The following EGR2 variants were observed in gnomAD, a reference collection of about 807,000 sequenced individuals.
EGR2 encodes the protein E3 SUMO-protein ligase EGR2.
Under a neutral mutation model 21.2 loss-of-function variants are expected in EGR2, and 2 were observed. The ratio of observed to expected loss-of-function variants is 0.09; its 90% CI spans 0.04 to 0.30. The LOEUF is 0.30. EGR2 is among the 10% of genes least tolerant of loss of function. The pLI is 1.00. For missense variants in EGR2, 458 were observed against 630.2 expected (o/e 0.73, Z 2.93); for synonymous variants, 282 against 258.2 (o/e 1.09, Z -0.88).
rs1237959595 is a variant in EGR2 at position 62,813,771 on chromosome 10, G to A, written c.867C>T (p.Ser289=). The change falls in exon 2 of 2, where the codon AGC becomes AGT. Residue 289 remains serine, a synonymous_variant. Coordinates refer to ENST00000242480, the MANE Select transcript of EGR2 (RefSeq NM_000399.5). The surrounding 1 kb of genome is among the most constrained non-coding windows in gnomAD (Gnocchi z 5.7). ...GVTGPGASGG[S]EGPRLPGSSS... ...TGCTACCAGGCAGCCGGGGTCCCTC[G>A]CTGCCTCCACTGGCCCCTGGTCCGG... 22 of 1,612,420 alleles carry A rather than the reference G, an allele frequency of 1.4e-5. No individual in the cohort carries two copies. The highest frequency in any genetic ancestry group is 1.7e-5 in the Admixed American group (1 of 59,972).
chr10:62,813,114 G>A lies in EGR2; in HGVS notation c.*93C>T. On this transcript the variant is annotated 3_prime_UTR_variant, in exon 2 of 2. Coordinates refer to ENST00000242480, the MANE Select transcript of EGR2 (RefSeq NM_000399.5). The surrounding 1 kb of genome is among the most constrained non-coding windows in gnomAD (Gnocchi z 5.7). ...CCTTTGCCCAACAAAGGGAGAGAGGGACAGGAAAGGGTGGTAGTGTTTGTT... is the reference window on the plus strand; with the variant it reads ...CCTTTGCCCAACAAAGGGAGAGAGGAACAGGAAAGGGTGGTAGTGTTTGTT... The A allele has an allele frequency of 1.5e-6, 2 of 1,365,536 alleles. No homozygotes were observed. Among genetic ancestry groups the A allele is most frequent in the Admixed American group, 2.3e-5 (1 of 43,130 alleles). 84.6% of individuals were successfully genotyped at this position (1,365,536 alleles called of 1,614,324 possible).
rs1183326897 is a variant in EGR2, at chr10:62,812,604, T to C, written c.*603A>G. 1 of 152,820 alleles carries C rather than the reference T, an allele frequency of 6.5e-6. No individual in the cohort carries two copies. The allele number at this position is 152,820 out of a possible 1,614,324, so 9.5% of individuals were successfully genotyped here. A position where few individuals can be genotyped will look rare whatever the true frequency, so the allele number is the denominator to read the frequency against. ...CTCCCATCACATTGCACTTCTGTTC[T>C]CTGAGTTTATAATACATATTGCTTC... On this transcript the variant is annotated 3_prime_UTR_variant, in exon 2 of 2. Transcript: ENST00000242480.
Position 62,813,710 on chromosome 10 carries a change from A to AGGCGGCGGC in EGR2, c.919_927dup (p.Ala307_Ala309dup), listed in dbSNP as rs753747037. ...CGCAGTGGCAGGTGGTGTGGGTTAT[A>AGGCGGCGGC]GGCGGCGGCGGCGGCGGCTGCTGCT... is the stretch of plus-strand genomic sequence containing the variant. On this transcript the variant is annotated inframe_insertion, in exon 2 of 2. Transcript: ENST00000242480. The surrounding 1 kb of genome is among the most constrained non-coding windows in gnomAD (Gnocchi z 5.7). 2 of 1,611,984 alleles carry AGGCGGCGGC rather than the reference A, an allele frequency of 1.2e-6. No homozygotes were observed. Among genetic ancestry groups the AGGCGGCGGC allele is most frequent in the South Asian group, 1.1e-5 (1 of 91,058 alleles).
rs757007626 is a variant in EGR2, at chr10:62,813,218, G to A, written c.1420C>T (p.Arg474Trp). 6 of 1,565,944 alleles carry A rather than the reference G, an allele frequency of 3.8e-6. No homozygotes were observed. Among genetic ancestry groups the A allele is most frequent in the South Asian group, 2.4e-5 (2 of 83,034 alleles). Residue 474 changes from arginine (R) to tryptophan (W), a missense_variant, in exon 2 of 2, where the codon CGG (arginine) becomes TGG (tryptophan). Arg to Trp is a moderately radical substitution (Grantham distance 101, BLOSUM62 -3). Around this residue, in one of 5 missense-constraint regions of EGR2, gnomAD observed 69 missense variants for 70.4 expected, o/e 0.98. Coordinates refer to ENST00000242480, the MANE Select transcript of EGR2 (RefSeq NM_000399.5). The surrounding 1 kb of genome is among the most constrained non-coding windows in gnomAD (Gnocchi z 5.7). ...GCCTGAGTCTCATCTCAAGGTGTCC[G>A]GGTCCGAGAGGAGCAAGGGGCGAGC... Reference protein sequence around the residue: ...GPLAPCSSRTRTP With the variant: ...GPLAPCSSRTWTP
At chr10:62,818,690 G>T (rs1589084570), upstream of EGR2, 3 of 1,094,546 alleles carry the variant, frequency 2.7e-6, no homozygotes, top group East Asian at 1.4e-4. Context: ...ATGCAAATGC[G>T]GATCCCTGCG....
At position 62,812,764 on chromosome 10, in the gene EGR2, T is replaced by A. The variant is rs1042410; in HGVS notation, c.*443A>T. 1 of 159,132 alleles carries A rather than the reference T, an allele frequency of 6.3e-6. No homozygotes were observed. The highest frequency in any genetic ancestry group is 6.2e-5 in the Admixed American group (1 of 16,150). The allele number at this position is 159,132 out of a possible 1,614,324, so 9.9% of individuals were successfully genotyped here. ...CCATAAAGTGCACATCAGTTTTGCT[T>A]GTCTTTTTGCTGTCCCCACTTGAAG... On this transcript the variant is annotated 3_prime_UTR_variant, in exon 2 of 2. Coordinates refer to ENST00000242480, the MANE Select transcript of EGR2 (RefSeq NM_000399.5).
chr10:62,817,513 C>T (rs762994430), upstream of EGR2, among the ~76,000 whole-genome samples: 21 of 152,070 alleles, frequency 1.4e-4, no homozygotes, highest in Non-Finnish European at 2.9e-4. This position sits in a 1 kb window ranked among gnomAD's most constrained non-coding sequence, Gnocchi z 4.4. Flanking sequence ...ACTACCGGTC[C>T]CTGCAGCCAC....
rs752399953 is a variant in EGR2 at position 62,813,726 on chromosome 10, G to T, written c.912C>A (p.Ala304=). The T allele has an allele frequency of 3.6e-5, 58 of 1,610,048 alleles. No individual in the cohort carries two copies. In the Admixed American group the frequency reaches 4.8e-4, roughly 13 times the overall value. The part of the protein sequence containing the change: ...LPGSSSAAAA[A]AAAAAYNPHH... ...GTGGGTTATAGGCGGCGGCGGCGGC[G>T]GCTGCTGCTGCTGCTGAGCTGCTAC... is the stretch of plus-strand genomic sequence containing the variant. Residue 304 remains alanine (A), a synonymous_variant, in exon 2 of 2, where the codon GCC becomes GCA. Coordinates refer to ENST00000242480, the MANE Select transcript of EGR2 (RefSeq NM_000399.5). This position sits in a 1 kb window ranked among gnomAD's most constrained non-coding sequence, Gnocchi z 5.7.
Position 62,813,592 on chromosome 10 carries a change from C to A in EGR2, c.1046G>T (p.Arg349Leu), listed in dbSNP as rs1209034513. Residue 349 changes from arginine (R) to leucine (L), a missense_variant, in exon 2 of 2, where the codon CGG becomes CTG. Physicochemically the swap from Arg to Leu is moderately radical, Grantham distance 102. Around this residue, in one of 5 missense-constraint regions of EGR2, gnomAD observed 39 missense variants for 113.7 expected, o/e 0.34. Transcript: ENST00000242480. This position sits in a 1 kb window ranked among gnomAD's most constrained non-coding sequence, Gnocchi z 5.7. ...CAGCTCGTCAGAGCGGGAGAACCGC[C>A]GGTCGCAGCCTTCTGCTGGGCACGG... ...PYPCPAEGCD[R>L]RFSRSDELTR... 1 of 1,612,768 alleles carries A rather than the reference C, an allele frequency of 6.2e-7. No homozygotes were observed.
At position 62,813,955 on chromosome 10, in the gene EGR2, C is replaced by A. The variant is rs1842191859; in HGVS notation, c.683G>T (p.Gly228Val). Reference sequence around the variant, plus strand: ...TCTCTGGCACTGAGATGGAAAGAATCCAGGATAGTCTGGGATCATTGGGAA... The same window carrying A: ...TCTCTGGCACTGAGATGGAAAGAATACAGGATAGTCTGGGATCATTGGGAA... ...GLFPMIPDYP[G>V]FFPSQCQRDL... is the part of the protein sequence containing the mutation. The change falls in exon 2 of 2, where the codon GGA (glycine) becomes GTA (valine). Residue 228 changes from glycine to valine, a missense_variant. This residue lies in a region of EGR2 where 253 missense variants were observed against 315.5 expected (regional missense o/e 0.80). Transcript: ENST00000242480. This position sits in a 1 kb window ranked among gnomAD's most constrained non-coding sequence, Gnocchi z 5.7. 1 of 1,614,026 alleles carries A rather than the reference C, an allele frequency of 6.2e-7. No homozygotes were observed. Among genetic ancestry groups the A allele is most frequent in the Non-Finnish European group, 8.5e-7 (1 of 1,180,030 alleles).
Position 62,812,288 on chromosome 10 carries a change from C to G in EGR2, c.*919G>C, listed in dbSNP as rs886047087. On this transcript the variant is annotated 3_prime_UTR_variant, in exon 2 of 2. Transcript: ENST00000242480. ...AAACTCAGGGAGTGATTTTTTTTCT[C>G]CATAATAAGGCAACCCATTTACATG... The G allele has an allele frequency of 2.6e-5, 4 of 152,654 alleles. No homozygotes were observed. Among genetic ancestry groups the G allele is most frequent in the Admixed American group, 6.6e-5 (1 of 15,266 alleles). 9.5% of individuals were successfully genotyped at this position (152,654 alleles called of 1,614,324 possible).
upstream of EGR2, chr10:62,816,384 C>CT: frequency 8.3e-7 from 1 of 1,205,180 alleles, no homozygotes; most frequent in South Asian, 1.6e-5. Context: ...AAGTGTTGCT[C>CT]TAAGTATTTA....
chr10:62,815,938 A>T lies in EGR2; in HGVS notation c.92T>A (p.Leu31His). The change falls in exon 1 of 2, where the codon CTC (leucine) becomes CAC (histidine). Residue 31 changes from leucine (L) to histidine (H), a missense_variant. Transcript: ENST00000242480. ...AAAGATGGTCACCGACGTGGCGGCG[A>T]GGTCCTCCACCGGGTAGATGTTGTC... Reference protein sequence around the residue: ...LSDNIYPVEDLAATSVTIFPN... With the variant: ...LSDNIYPVEDHAATSVTIFPN... The T allele has an allele frequency of 1.2e-6, 2 of 1,614,184 alleles. No homozygotes were observed. Among genetic ancestry groups the T allele is most frequent in the Non-Finnish European group, 1.7e-6 (2 of 1,180,016 alleles).
intron 1 of EGR2, among the ~76,000 whole-genome samples, chr10:62,815,284 C>G (rs1842232200): frequency 6.6e-6 from 1 of 152,216 alleles, no homozygotes; most frequent in African/African-American, 2.4e-5. Flanking sequence ...ACCACCCACT[C>G]GCTGCCTCCG....
In EGR2 at chr10:62,814,219, G is replaced by A. The variant is rs774872844; in HGVS notation, c.419C>T (p.Ser140Phe). The A allele has an allele frequency of 6.2e-7, 1 of 1,614,194 alleles. No individual in the cohort carries two copies. The highest frequency in any genetic ancestry group is 1.1e-5 in the South Asian group (1 of 91,082). Residue 140 changes from serine (S) to phenylalanine (F), a missense_variant, in exon 2 of 2, where the codon TCC becomes TTC. Ser to Phe is a radical substitution (Grantham distance 155). Coordinates refer to ENST00000242480, the MANE Select transcript of EGR2 (RefSeq NM_000399.5). This position sits in a 1 kb window ranked among gnomAD's most constrained non-coding sequence, Gnocchi z 4.8. Reference sequence around the variant, plus strand: ...GGGTCCTGTGGCCAGTGGGTTGGGGGAGGCAGAGGTGACGCTGGATGAGGC... The same window carrying A: ...GGGTCCTGTGGCCAGTGGGTTGGGGAAGGCAGAGGTGACGCTGGATGAGGC... ...TTASSSVTSA[S>F]PNPLATGPLG...
upstream of EGR2, among the ~76,000 whole-genome samples, chr10:62,816,821 C>A (rs1262553672): frequency 6.6e-6 from 1 of 151,976 alleles, no homozygotes. Flanking sequence ...AGAAACCGAG[C>A]GGAGCCGAGA....
Position 62,813,799 on chromosome 10 carries a change from A to C in EGR2, c.839T>G (p.Val280Gly). Residue 280 changes from valine (V) to glycine (G), a missense_variant, in exon 2 of 2, where the codon GTG becomes GGG. Physicochemically the swap from Val to Gly is moderately radical, Grantham distance 109. This residue lies in a region of EGR2 where 253 missense variants were observed against 315.5 expected (regional missense o/e 0.80). Coordinates refer to ENST00000242480, the MANE Select transcript of EGR2 (RefSeq NM_000399.5). The surrounding 1 kb of genome is among the most constrained non-coding windows in gnomAD (Gnocchi z 5.7). ...NFTLGGPSAG[V>G]TGPGASGGSE... ...GCCTCCACTGGCCCCTGGTCCGGTC[A>C]CCCCAGCACTGGGGCCCCCCAGGGT... The C allele has an allele frequency of 6.2e-7, 1 of 1,613,240 alleles. No homozygotes were observed. The highest frequency in any genetic ancestry group is 8.5e-7 in the Non-Finnish European group (1 of 1,179,542).
chr10:62,816,332 C>A lies in EGR2; in HGVS notation c.-303G>T. The stretch of plus-strand genomic sequence containing the variant: ...TATTATAACAGTCAGTGAGTCCCCT[C>A]GCCGAGCTATTAATCAATTGCTCCT... On this transcript the variant is annotated 5_prime_UTR_variant, in exon 1 of 2. Transcript: ENST00000242480. 7.9e-7 allele frequency: 1 copy of A among 1,265,970 alleles called. No homozygotes were observed. The highest frequency in any genetic ancestry group is 1.0e-6 in the Non-Finnish European group (1 of 993,282). 78.4% of individuals were successfully genotyped at this position (1,265,970 alleles called of 1,614,324 possible).
Position 62,814,873 on chromosome 10 carries a change from C to G in EGR2, c.170-405G>C, listed in dbSNP as rs946902565. Among the ~76,000 whole-genome samples the G allele has an allele frequency of 2.0e-5, 3 of 152,318 alleles. No homozygotes were observed. Among genetic ancestry groups the G allele is most frequent in the Non-Finnish European group, 4.4e-5 (3 of 68,030 alleles). On this transcript the variant is annotated intron_variant, in intron 1 of 1. Transcript: ENST00000242480. This position sits in a 1 kb window ranked among gnomAD's most constrained non-coding sequence, Gnocchi z 4.8. ...GCTGAGGCACCAAGACAAACACCAC[C>G]CAAGAATCGACCTATCCCAGTCAGT...
Sources: gnomAD v4.1 joint callset for allele counts (sites outside exome capture counted in the v4.1 genomes callset) on GRCh38, gnomAD v4.1.1 for gene constraint, gnomAD v4.1.1 regional missense constraint, Gnocchi (gnomAD v3.1) non-coding constraint, MANE v1.5 for transcripts, NCBI Gene and HGNC (gene_info 2026-07-23, HGNC 2026-07-21) for gene names.